The following FGF10 variants were observed in gnomAD, a reference collection of about 807,000 sequenced individuals.
The protein encoded by FGF10 is fibroblast growth factor 10.
FGF10 carries 2 observed loss-of-function variants against 19.8 expected under a neutral mutation model. That is an observed-to-expected ratio of 0.10 (90% CI 0.04 to 0.32). The LOEUF (loss-of-function observed/expected upper bound fraction) is 0.32. Ranked by LOEUF, FGF10 falls within the 10% of genes least tolerant of loss-of-function variation. The pLI, the probability that FGF10 is intolerant of heterozygous loss-of-function variation, is 1.00. For synonymous variants in FGF10, 112 were observed against 94.0 expected, an observed-to-expected ratio of 1.19 and a Z score of -1.10; for missense variants, 191 against 246.3, an observed-to-expected ratio of 0.78 and a Z score of 1.50.
At chr5:44,380,309 T>G (rs1419429600) in intron 1 of FGF10, among the ~76,000 whole-genome samples, 1 of 152,234 alleles carries the variant, frequency 6.6e-6, no homozygotes, top group Non-Finnish European at 1.5e-5. Context: ...ATTTAACATA[T>G]GTCAATAGTC....
intron 1 of FGF10, among the ~76,000 whole-genome samples, chr5:44,344,920 C>T (rs1403579897): frequency 1.3e-5 from 2 of 150,580 alleles, no homozygotes; most frequent in South Asian, 2.1e-4. Flanking sequence ...TATACAATTA[C>T]TTGTTAGCTC....
chr5:44,382,064 C>T (rs1020049115), intron 1 of FGF10, among the ~76,000 whole-genome samples: 2 of 152,088 alleles, frequency 1.3e-5, no homozygotes, highest in Non-Finnish European at 2.9e-5. Context: ...TAAAGGTGGA[C>T]AGGTTTAGGT....
intron 1 of FGF10, among the ~76,000 whole-genome samples, chr5:44,321,916 C>T (rs1187971614): frequency 1.3e-5 from 2 of 152,250 alleles, no homozygotes; most frequent in Admixed American, 6.5e-5. Flanking sequence ...GTGCCCATCA[C>T]CATGCCCGGC....
rs199738884 is a variant in FGF10, at chr5:44,300,256, G to GT, written c.*4738dup. ...TAAAAGACAAAGCAGGTTTTTTTCT[G>GT]TTTTTTTTTTATTTTACACTTAAAC... On this transcript the variant is annotated 3_prime_UTR_variant, in exon 3 of 3. Coordinates refer to ENST00000264664, the MANE Select transcript of FGF10 (RefSeq NM_004465.2). 0.013 allele frequency among the ~76,000 whole-genome samples: 1,734 copies of GT among 128,888 alleles called. 21 individuals are homozygous for GT. The highest frequency in any genetic ancestry group is 0.029 in the Admixed American group (320 of 11,068). The allele number at this position is 128,888 out of a possible 152,430, so 84.6% of individuals were successfully genotyped here.
At position 44,301,456 on chromosome 5, in the gene FGF10, A is replaced by G. The variant is rs1739962135; in HGVS notation, c.*3539T>C. On this transcript the variant is annotated 3_prime_UTR_variant, in exon 3 of 3. Transcript: ENST00000264664. ...TTGGGCCCTGGAAGCAACTTGCATT[A>G]TTATGTATTTTTTCTCTCTAATTTT... is the stretch of plus-strand genomic sequence containing the variant. Among the ~76,000 whole-genome samples, 1 of 150,874 alleles carries G rather than the reference A, an allele frequency of 6.6e-6. No homozygotes were observed. The highest frequency in any genetic ancestry group is 2.4e-5 in the African/African-American group (1 of 41,410).
Position 44,388,404 on chromosome 5 carries a change from C to T in FGF10, c.279G>A (p.Glu93=). 1 of 1,613,782 alleles carries T rather than the reference C, an allele frequency of 6.2e-7. No individual in the cohort carries two copies. The highest frequency in any genetic ancestry group is 8.5e-7 in the Non-Finnish European group (1 of 1,180,028). The change falls in exon 1 of 3, where the codon GAG becomes GAA. Residue 93 remains glutamate (E), a synonymous_variant. Coordinates refer to ENST00000264664, the MANE Select transcript of FGF10 (RefSeq NM_004465.2). The part of the protein sequence containing the change: ...FSFTKYFLKI[E]KNGKVSGTKK... ...TGGTCCCGCTGACCTTCCCGTTCTT[C>T]TCAATCTTGAGAAAGTACTTGGTGA...
At position 44,388,579 on chromosome 5, in the gene FGF10, A is replaced by T; in HGVS notation, c.104T>A (p.Val35Asp). 1.2e-6 allele frequency: 2 copies of T among 1,614,152 alleles called. No homozygotes were observed. Among genetic ancestry groups the T allele is most frequent in the Non-Finnish European group, 1.7e-6 (2 of 1,180,030 alleles). ...LLLFLVSSVP[V>D]TCQALGQDMV... Reference sequence around the variant, plus strand: ...GTCCTGACCAAGGGCTTGGCAGGTGACAGGGACGGAAGACACCAAGAACAG... The same window carrying T: ...GTCCTGACCAAGGGCTTGGCAGGTGTCAGGGACGGAAGACACCAAGAACAG... Residue 35 changes from valine (V) to aspartate (D), a missense_variant, in exon 1 of 3, where the codon GTC becomes GAC. Transcript: ENST00000264664.
chr5:44,312,437 T>G (rs1359389575), intron 1 of FGF10, among the ~76,000 whole-genome samples: 1 of 152,032 alleles, frequency 6.6e-6, no homozygotes, highest in Non-Finnish European at 1.5e-5. Context: ...CTCTGACTAC[T>G]TTGCCTCTCC....
chr5:44,360,407 C>T (rs1196503116), intron 1 of FGF10, among the ~76,000 whole-genome samples: 1 of 151,476 alleles, frequency 6.6e-6, no homozygotes, highest in South Asian at 2.1e-4. Context: ...TTAACACTCC[C>T]TTCCCTAGGG....
At chr5:44,320,181 G>A (rs1044618180) in intron 1 of FGF10, among the ~76,000 whole-genome samples, 6 of 152,174 alleles carry the variant, frequency 3.9e-5, no homozygotes, top group Non-Finnish European at 8.8e-5. Flanking sequence ...AACGTTAGCA[G>A]ACAGATTTGA....
Position 44,305,205 on chromosome 5 carries a change from A to C in FGF10, c.430-13T>G. On this transcript the variant is annotated splice_polypyrimidine_tract_variant and intron_variant, in intron 2 of 2. Coordinates refer to ENST00000264664, the MANE Select transcript of FGF10 (RefSeq NM_004465.2). ...TGTTAAATTCTTTCTGCAAAGGAAA[A>C]ACAGAATCTTTTATTCCTATGGTGA... The C allele has an allele frequency of 6.2e-7, 1 of 1,611,056 alleles. No individual in the cohort carries two copies. The highest frequency in any genetic ancestry group is 8.5e-7 in the Non-Finnish European group (1 of 1,177,418).
chr5:44,319,892 C>T (rs1740443815), intron 1 of FGF10, among the ~76,000 whole-genome samples: 1 of 152,154 alleles, frequency 6.6e-6, no homozygotes, highest in Non-Finnish European at 1.5e-5. Context: ...CTGGTAGGAA[C>T]CAGGCTGCAC....
chr5:44,325,733 G>C (rs1368625689), intron 1 of FGF10, among the ~76,000 whole-genome samples: 1 of 147,522 alleles, frequency 6.8e-6, no homozygotes, highest in Non-Finnish European at 1.5e-5. Flanking sequence ...AGGGCCTGGG[G>C]AGGGGGGAGG....
intron 1 of FGF10, among the ~76,000 whole-genome samples, chr5:44,328,225 G>C (rs979639435): frequency 1.3e-5 from 2 of 151,984 alleles, no homozygotes; most frequent in African/African-American, 4.8e-5. Context: ...CAACGTAATC[G>C]CATTGGAAAG....
chr5:44,342,370 T>C (rs1330117156), intron 1 of FGF10, among the ~76,000 whole-genome samples: 1 of 151,992 alleles, frequency 6.6e-6, no homozygotes, highest in Non-Finnish European at 1.5e-5. Context: ...AAACAATTTG[T>C]GAAAGTTAAT....
chr5:44,374,930 C>A (rs1341487134), intron 1 of FGF10, among the ~76,000 whole-genome samples: 1 of 151,952 alleles, frequency 6.6e-6, no homozygotes, highest in Non-Finnish European at 1.5e-5. Flanking sequence ...ACTTAACAGT[C>A]TCTTAAATAA....
chr5:44,351,195 T>C (rs1210343806), intron 1 of FGF10, among the ~76,000 whole-genome samples: 1 of 151,528 alleles, frequency 6.6e-6, no homozygotes. Context: ...ATTTATCTCA[T>C]TCAAAATACA....
At chr5:44,311,992 CT>C (rs1740221655) in intron 1 of FGF10, among the ~76,000 whole-genome samples, 1 of 152,028 alleles carries the variant, frequency 6.6e-6, no homozygotes, top group African/African-American at 2.4e-5. Context: ...TAACCAGAGA[CT>C]TTGCCAAGAC....
intron 1 of FGF10, among the ~76,000 whole-genome samples, chr5:44,311,250 A>G (rs1185744251): frequency 6.6e-6 from 1 of 151,870 alleles, no homozygotes; most frequent in Non-Finnish European, 1.5e-5. Flanking sequence ...TTTTCCCCTT[A>G]TACACAAGTT....
Sources: gnomAD v4.1 joint callset for allele counts (sites outside exome capture counted in the v4.1 genomes callset) on GRCh38, gnomAD v4.1.1 for gene constraint, MANE v1.5 for transcripts, NCBI Gene and HGNC (gene_info 2026-07-23, HGNC 2026-07-21) for gene names.